The following CDK8 variants were observed in gnomAD, a reference collection of about 807,000 sequenced individuals.
The protein encoded by CDK8 is cyclin dependent kinase 8.
A neutral mutation model predicts 71.5 loss-of-function variants in CDK8; 29 were observed. The ratio of observed to expected loss-of-function variants is 0.41; its 90% CI spans 0.30 to 0.55. The LOEUF is 0.55. CDK8 is among the 20% of genes least tolerant of loss of function. The pLI is 0.37. For missense variants in CDK8, 288 were observed against 572.6 expected (o/e 0.50, Z 5.07); for synonymous variants, 161 against 192.1 (o/e 0.84, Z 1.34).
chr13:26,317,432 A>T (rs1874562139), intron 1 of CDK8, among the ~76,000 whole-genome samples: 1 of 152,194 alleles, frequency 6.6e-6, no homozygotes, highest in Non-Finnish European at 1.5e-5. Context: ...AGGACTTAAT[A>T]AACTAACTAG....
intron 4 of CDK8, among the ~76,000 whole-genome samples, chr13:26,358,368 G>C (rs1476951792): frequency 6.6e-6 from 1 of 152,104 alleles, no homozygotes; most frequent in Non-Finnish European, 1.5e-5. Context: ...TTAAAATAAT[G>C]TGAGGTAAGT....
intron 4 of CDK8, among the ~76,000 whole-genome samples, chr13:26,363,468 T>G: frequency 6.6e-6 from 1 of 152,060 alleles, no homozygotes; most frequent in East Asian, 1.9e-4. Context: ...TTGGGGAGTG[T>G]TTCAGTAGAG....
intron 12 of CDK8, 64 bp from the exon 13 acceptor site, chr13:26,403,892 C>T (rs1432087169): frequency 1.3e-5 from 20 of 1,576,150 alleles, no homozygotes; most frequent in Admixed American, 3.4e-5. Context: ...ACTTCAGTCA[C>T]ATATTGGGAT....
chr13:26,304,916 C>T (rs954843104), intron 1 of CDK8, among the ~76,000 whole-genome samples: 1 of 152,238 alleles, frequency 6.6e-6, no homozygotes, highest in African/African-American at 2.4e-5. Context: ...GATCCCCCTG[C>T]CTCAGCCTCC....
intron 1 of CDK8, among the ~76,000 whole-genome samples, chr13:26,311,081 A>G (rs1314850684): frequency 1.4e-5 from 2 of 146,078 alleles, no homozygotes; most frequent in African/African-American, 5.0e-5. Flanking sequence ...CTGGTGTCTT[A>G]TAGACTGCAG....
intron 1 of CDK8, among the ~76,000 whole-genome samples, chr13:26,323,806 G>A (rs1874901223): frequency 6.6e-6 from 1 of 152,032 alleles, no homozygotes; most frequent in African/African-American, 2.4e-5. Flanking sequence ...CTTTAAATGT[G>A]TCTTTAAGTG....
chr13:26,357,660 G>A (rs1873950260), intron 4 of CDK8, among the ~76,000 whole-genome samples: 1 of 152,190 alleles, frequency 6.6e-6, no homozygotes, highest in African/African-American at 2.4e-5. Flanking sequence ...TACATAGATG[G>A]AGAGTGATTT....
intron 1 of CDK8, among the ~76,000 whole-genome samples, chr13:26,278,947 C>T (rs150646177): frequency 1.9e-4 from 29 of 152,076 alleles, no homozygotes; most frequent in African/African-American, 5.5e-4. Flanking sequence ...AATCAAAAGA[C>T]GATTTAAAGT....
intron 4 of CDK8, among the ~76,000 whole-genome samples, chr13:26,372,818 T>C (rs993928570): frequency 3.3e-5 from 5 of 152,176 alleles, no homozygotes; most frequent in African/African-American, 1.2e-4. Flanking sequence ...CTAACATTCA[T>C]GTTGCTGTTG....
chr13:26,333,592 G>T (rs1430658127), intron 1 of CDK8, among the ~76,000 whole-genome samples: 3 of 152,266 alleles, frequency 2.0e-5, no homozygotes, highest in Non-Finnish European at 4.4e-5. Flanking sequence ...TTTGCTTTCT[G>T]ATGGTTCATT....
intron 4 of CDK8, among the ~76,000 whole-genome samples, chr13:26,355,053 C>G (rs537090821): frequency 6.6e-6 from 1 of 152,270 alleles, no homozygotes; most frequent in African/African-American, 2.4e-5. Flanking sequence ...TGAGGCGGAG[C>G]CCATCTGGTC....
chr13:26,358,028 A>T (rs1399090594), intron 4 of CDK8, among the ~76,000 whole-genome samples: 1 of 152,200 alleles, frequency 6.6e-6, no homozygotes, highest in Non-Finnish European at 1.5e-5. Flanking sequence ...TTGGCTGGGC[A>T]TGGTGGCTCA....
At chr13:26,369,709 C>CTT (rs36116401) in intron 4 of CDK8, among the ~76,000 whole-genome samples, 52 of 95,352 alleles carry the variant, frequency 5.5e-4, no homozygotes, top group African/African-American at 1.2e-3. Flanking sequence ...TTCTTTCTTT[C>CTT]TTTTTTTTTT....
At chr13:26,322,333 A>G (rs1874813575) in intron 1 of CDK8, among the ~76,000 whole-genome samples, 1 of 152,160 alleles carries the variant, frequency 6.6e-6, no homozygotes, top group Admixed American at 6.5e-5. Flanking sequence ...GATGACCCTA[A>G]ATGACCCTGC....
chr13:26,268,164 T>C (rs187926745), intron 1 of CDK8, among the ~76,000 whole-genome samples: 30 of 151,996 alleles, frequency 2.0e-4, no homozygotes, highest in Non-Finnish European at 1.5e-5. Flanking sequence ...GGAGTAAATA[T>C]AGTAATGACA....
chr13:26,368,195 G>T (rs1033557336), intron 4 of CDK8, among the ~76,000 whole-genome samples: 10 of 152,142 alleles, frequency 6.6e-5, no homozygotes, highest in Admixed American at 2.6e-4. Context: ...ATTGCCTCAT[G>T]GTCTTGCTGC....
At chr13:26,289,606 A>T (rs543863332) in intron 1 of CDK8, among the ~76,000 whole-genome samples, 10 of 152,232 alleles carry the variant, frequency 6.6e-5, no homozygotes, top group Admixed American at 1.3e-4. Flanking sequence ...GCTGCAGTGC[A>T]GTGGCGGGAT....
At chr13:26,287,807 A>G (rs1457117244) in intron 1 of CDK8, among the ~76,000 whole-genome samples, 3 of 152,224 alleles carry the variant, frequency 2.0e-5, no homozygotes, top group Admixed American at 2.0e-4. Flanking sequence ...TATGACATGT[A>G]AAATAATAGG....
In CDK8 at chr13:26,254,972, G is replaced by A. The variant is rs558542560; in HGVS notation, c.128+203G>A. Among the ~76,000 whole-genome samples the A allele has an allele frequency of 4.1e-4, 62 of 152,336 alleles. No homozygotes were observed. Among genetic ancestry groups the A allele is most frequent in the African/African-American group, 1.4e-3 (59 of 41,578 alleles). ...GAGAAATCCTGCGTGCCGCGTCTGT[G>A]TTCTGCTCTGGTGGTAAGAGGCAAG... On this transcript the variant is annotated intron_variant, in intron 1 of 12. Coordinates refer to ENST00000381527, the MANE Select transcript of CDK8 (RefSeq NM_001260.3). The surrounding 1 kb of genome is among the most constrained non-coding windows in gnomAD (Gnocchi z 6.7).
Sources: allele counts gnomAD v4.1 joint callset (sites outside exome capture counted in the v4.1 genomes callset), GRCh38; gene constraint gnomAD v4.1.1; non-coding constraint Gnocchi (gnomAD v3.1); transcripts MANE v1.5; gene names NCBI Gene and HGNC (gene_info 2026-07-23, HGNC 2026-07-21).